MGAT4C: variants seen among roughly 807,000 people sequenced by gnomAD.
MGAT4C encodes the protein alpha-1,3-mannosyl-glycoprotein 4-beta-N-acetylglucosaminyltransferase C.
In MGAT4C, 19 loss-of-function variants were observed where a neutral mutation model predicts 40.1. That is an observed-to-expected ratio of 0.47 (90% CI 0.33 to 0.70). The LOEUF is 0.70. Among genes scored for constraint, MGAT4C ranks in the 30% least tolerant of loss-of-function variants. The probability of loss-of-function intolerance (pLI) is 0.02; values close to 1 mark genes in which losing one functional copy is unlikely to be tolerated. For missense variants in MGAT4C, 491 were observed against 563.2 expected, an observed-to-expected ratio of 0.87 and a Z score of 1.30; for synonymous variants, 181 against 187.1, an observed-to-expected ratio of 0.97 and a Z score of 0.27.
intron 2 of MGAT4C, among the ~76,000 whole-genome samples, chr12:86,561,151 A>G (rs1959845491): frequency 6.6e-6 from 1 of 152,224 alleles, no homozygotes; most frequent in Admixed American, 6.5e-5. Flanking sequence ...TAAAAAACAT[A>G]TTACACAAAA....
intron 2 of MGAT4C, chr12:86,001,543 G>T: frequency 1.4e-6 from 1 of 738,482 alleles, no homozygotes; most frequent in Non-Finnish European, 1.7e-6. Context: ...TGAGCCATTG[G>T]TGATTTCGAC....
chr12:86,156,705 A>G (rs1049541339), intron 1 of MGAT4C, among the ~76,000 whole-genome samples: 3 of 152,102 alleles, frequency 2.0e-5, no homozygotes, highest in Non-Finnish European at 2.9e-5. Flanking sequence ...TCATTTCACT[A>G]TTTGTTTAGA....
At chr12:86,431,364 G>C (rs1957035756) in intron 3 of MGAT4C, among the ~76,000 whole-genome samples, 1 of 151,890 alleles carries the variant, frequency 6.6e-6, no homozygotes, top group South Asian at 2.1e-4. Flanking sequence ...GGCCAGAGTG[G>C]GCTTCCTGGA....
chr12:86,203,014 C>CTGTGTGTGTGTGTG (rs10587166), intron 1 of MGAT4C, among the ~76,000 whole-genome samples: 4 of 147,388 alleles, frequency 2.7e-5, no homozygotes, highest in African/African-American at 7.5e-5. Context: ...TCACATTTTC[C>CTGTGTGTGTGTGTG]TGTGTGTGTG....
chr12:86,356,619 A>G (rs545638008), intron 3 of MGAT4C, among the ~76,000 whole-genome samples: 1 of 152,180 alleles, frequency 6.6e-6, no homozygotes, highest in Non-Finnish European at 1.5e-5. Context: ...ATCACTCCCC[A>G]CCCTAATACT....
intron 2 of MGAT4C, among the ~76,000 whole-genome samples, chr12:86,651,830 A>T (rs1963706534): frequency 6.6e-6 from 1 of 151,892 alleles, no homozygotes; most frequent in South Asian, 2.1e-4. Flanking sequence ...AAAACAGGCT[A>T]ATAATTTATA....
chr12:86,614,678 T>A lies in MGAT4C; in HGVS notation c.-229+112531A>T, dbSNP rs189792329. Among the ~76,000 whole-genome samples the A allele has an allele frequency of 1.2e-4, 18 of 151,814 alleles. No individual in the cohort carries two copies. The East Asian group carries it at 3.5e-3, about 29-fold the overall frequency. ...ATATATATATGTTTAAATTATGAAG[T>A]TAATTAGGAAAAGGTAAACAAAATT... is the stretch of plus-strand genomic sequence containing the variant. On this transcript the variant is annotated intron_variant, in intron 2 of 7. Coordinates refer to the MGAT4C transcript ENST00000548651.
chr12:86,221,559 T>C (rs1212881221), intron 1 of MGAT4C, among the ~76,000 whole-genome samples: 1 of 152,160 alleles, frequency 6.6e-6, no homozygotes, highest in African/African-American at 2.4e-5. Context: ...CCTCTGTACA[T>C]AGTGACCTGC....
intron 1 of MGAT4C, among the ~76,000 whole-genome samples, chr12:86,755,857 A>T (rs1020800502): frequency 6.6e-6 from 1 of 151,912 alleles, no homozygotes; most frequent in African/African-American, 2.4e-5. Flanking sequence ...CATGTTGCCC[A>T]GTCTAGTCAC....
At chr12:86,663,849 T>C (rs913993321) in intron 2 of MGAT4C, among the ~76,000 whole-genome samples, 1 of 152,190 alleles carries the variant, frequency 6.6e-6, no homozygotes, top group African/African-American at 2.4e-5. Context: ...TGCAACTCAA[T>C]TTGCTATTTC....
rs3047014 is a variant in MGAT4C at position 86,250,330 on chromosome 12, T to TGAGAGAGA, written c.-57+5901_-57+5908dup. Among the ~76,000 whole-genome samples the TGAGAGAGA allele has an allele frequency of 4.6e-3, 656 of 142,870 alleles. 4 individuals carry two copies. The highest frequency in any genetic ancestry group is 0.011 in the African/African-American group (416 of 38,594). The allele number at this position is 142,870 out of a possible 152,430, so 93.7% of individuals were successfully genotyped here. Reference sequence around the variant, plus strand: ...ACAAGCAACCTACACACACACACACTGAGAGAGAGAGAGAGAGAGAGAGAG... The same window carrying TGAGAGAGA: ...ACAAGCAACCTACACACACACACACTGAGAGAGAGAGAGAGAGAGAGAGAGAGAGAGAG... On this transcript the variant is annotated intron_variant, in intron 1 of 4. Coordinates refer to ENST00000611864, the MANE Select transcript of MGAT4C (RefSeq NM_001351288.2).
chr12:86,685,377 T>A (rs1950055699), intron 2 of MGAT4C, among the ~76,000 whole-genome samples: 1 of 152,218 alleles, frequency 6.6e-6, no homozygotes, highest in African/African-American at 2.4e-5. Context: ...AGGCCTCCGT[T>A]CTGTTCCATT....
chr12:86,386,891 T>C (rs1359392039), intron 3 of MGAT4C, among the ~76,000 whole-genome samples: 1 of 152,180 alleles, frequency 6.6e-6, no homozygotes, highest in Non-Finnish European at 1.5e-5. Flanking sequence ...CAAAGTTCAA[T>C]TTAGCTATTG....
At chr12:86,620,744 G>T (rs539856774) in intron 2 of MGAT4C, among the ~76,000 whole-genome samples, 18 of 152,286 alleles carry the variant, frequency 1.2e-4, no homozygotes, top group Non-Finnish European at 2.4e-4. Flanking sequence ...TGAAGGAGGA[G>T]TCTTGTGGGA....
intron 1 of MGAT4C, among the ~76,000 whole-genome samples, chr12:86,803,785 T>C (rs1952282310): frequency 6.7e-6 from 1 of 149,758 alleles, no homozygotes; most frequent in African/African-American, 2.5e-5. Flanking sequence ...GGAGAGGATG[T>C]GGAGAAATAG....
At chr12:86,050,399 A>G (rs1162554691) in intron 1 of MGAT4C, among the ~76,000 whole-genome samples, 1 of 152,006 alleles carries the variant, frequency 6.6e-6, no homozygotes, top group African/African-American at 2.4e-5. Context: ...AATTATGTGT[A>G]TTTTCTTTAA....
intron 2 of MGAT4C, among the ~76,000 whole-genome samples, chr12:86,486,950 T>A (rs1958029973): frequency 6.6e-6 from 1 of 152,198 alleles, no homozygotes; most frequent in Non-Finnish European, 1.5e-5. Context: ...AAAGCAGTTT[T>A]ATCTGAGTGC....
intron 2 of MGAT4C, among the ~76,000 whole-genome samples, chr12:86,535,192 A>G (rs763158111): frequency 3.9e-5 from 6 of 152,104 alleles, no homozygotes; most frequent in Non-Finnish European, 8.8e-5. Flanking sequence ...TTATTTGCCA[A>G]TGACCCGTGT....
At chr12:86,619,213 C>A (rs1484760059) in intron 2 of MGAT4C, among the ~76,000 whole-genome samples, 1 of 152,158 alleles carries the variant, frequency 6.6e-6, no homozygotes, top group African/African-American at 2.4e-5. Context: ...AACAGAACAA[C>A]TATATCTCTA....
Sources: gnomAD v4.1 joint callset for allele counts (sites outside exome capture counted in the v4.1 genomes callset) on GRCh38, gnomAD v4.1.1 for gene constraint, MANE v1.5 for transcripts, NCBI Gene and HGNC (gene_info 2026-07-23, HGNC 2026-07-21) for gene names.